The following SEMA6D variants were observed in gnomAD, a reference collection of about 807,000 sequenced individuals.
SEMA6D encodes semaphorin-6D.
Under a neutral mutation model 106.6 loss-of-function variants are expected in SEMA6D, and 35 were observed. The observed-to-expected ratio is 0.33, with a 90% CI of 0.25 to 0.44. SEMA6D has a LOEUF of 0.44. SEMA6D is among the 20% of genes least tolerant of loss of function. The pLI is 1.00. For synonymous variants in SEMA6D, 499 were observed against 487.7 expected, an observed-to-expected ratio of 1.02 and a Z score of -0.31; for missense variants, 1,185 against 1,345.9, an observed-to-expected ratio of 0.88 and a Z score of 1.87.
intron 13 of SEMA6D, 128 bp from the exon 14 acceptor site, chr15:47,765,741 C>T: frequency 1.2e-6 from 1 of 842,822 alleles, no homozygotes; most frequent in Non-Finnish European, 1.7e-6. Context: ...TATTATTTCC[C>T]AAGCTATGTA....
intron 2 of SEMA6D, among the ~76,000 whole-genome samples, chr15:47,430,928 A>G (rs2041501957): frequency 6.6e-6 from 1 of 152,160 alleles, no homozygotes; most frequent in African/African-American, 2.4e-5. Context: ...TCAGATGGTC[A>G]TGAGCCCTAG....
rs2033142740 is a variant in SEMA6D, at chr15:47,245,362, A to G, written c.-239+60944A>G. On this transcript the variant is annotated intron_variant, in intron 1 of 19. Coordinates refer to the SEMA6D transcript ENST00000558014. ...TTTTCTCCATAGCCTTTTTAATAGT[A>G]GCCATCCTGATGGACTTTACTGTCC... is the stretch of plus-strand genomic sequence containing the variant. Among the ~76,000 whole-genome samples, 4 of 152,298 alleles carry G rather than the reference A, an allele frequency of 2.6e-5. No individual in the cohort carries two copies. The South Asian group carries it at 8.3e-4, about 32-fold the overall frequency.
intron 1 of SEMA6D, among the ~76,000 whole-genome samples, chr15:47,410,812 T>G (rs1434751898): frequency 6.6e-6 from 1 of 152,186 alleles, no homozygotes; most frequent in East Asian, 1.9e-4. Flanking sequence ...TCTCAATACT[T>G]GCCCAAATAT....
intron 3 of SEMA6D, among the ~76,000 whole-genome samples, chr15:47,550,011 A>G (rs1302707797): frequency 6.6e-6 from 1 of 152,200 alleles, no homozygotes; most frequent in Non-Finnish European, 1.5e-5. Flanking sequence ...ATTCTCATTA[A>G]AGAGAGAGTA....
chr15:47,645,863 C>T (rs566409271), intron 4 of SEMA6D, among the ~76,000 whole-genome samples: 18 of 152,126 alleles, frequency 1.2e-4, no homozygotes, highest in African/African-American at 3.9e-4. Context: ...ACTGTTTACC[C>T]ATGTATTATA....
chr15:47,418,026 G>T (rs1238389941), intron 2 of SEMA6D, among the ~76,000 whole-genome samples: 1 of 151,914 alleles, frequency 6.6e-6, no homozygotes, highest in Non-Finnish European at 1.5e-5. Context: ...TATTTTATAT[G>T]CCCATATATA....
At chr15:47,459,642 C>T (rs1322466974) in intron 2 of SEMA6D, among the ~76,000 whole-genome samples, 1 of 151,862 alleles carries the variant, frequency 6.6e-6, no homozygotes, top group Non-Finnish European at 1.5e-5. Flanking sequence ...TTTACAATAT[C>T]CATAAGTGGA....
At chr15:47,301,502 G>A (rs1329340669) in intron 1 of SEMA6D, among the ~76,000 whole-genome samples, 4 of 152,232 alleles carry the variant, frequency 2.6e-5, no homozygotes, top group Non-Finnish European at 5.9e-5. Flanking sequence ...CCTCCACCTT[G>A]GCTGTTTGTG....
intron 4 of SEMA6D, among the ~76,000 whole-genome samples, chr15:47,645,301 C>A (rs987979348): frequency 2.0e-5 from 3 of 152,136 alleles, no homozygotes; most frequent in African/African-American, 7.2e-5. Context: ...TGAGCACAGG[C>A]CACCATGGGT....
intron 4 of SEMA6D, among the ~76,000 whole-genome samples, chr15:47,670,448 A>T (rs1230881298): frequency 2.6e-5 from 4 of 152,160 alleles, no homozygotes; most frequent in African/African-American, 9.7e-5. Flanking sequence ...GTGCCTGATC[A>T]CAGAACCAAG....
chr15:47,662,720 C>G lies in SEMA6D; in HGVS notation c.-55+61824C>G, dbSNP rs143910972. On this transcript the variant is annotated intron_variant, in intron 4 of 19. Coordinates refer to the SEMA6D transcript ENST00000558014. ...CTCAATGCATATATTTTGGATACCACTCTTTGCAAACTTTGAGTTGAGTAG... is the reference window on the plus strand; with the variant it reads ...CTCAATGCATATATTTTGGATACCAGTCTTTGCAAACTTTGAGTTGAGTAG... Among the ~76,000 whole-genome samples, 56 of 152,250 alleles carry G rather than the reference C, an allele frequency of 3.7e-4. 3 individuals are homozygous for G. In the East Asian group the frequency reaches 0.011, roughly 29 times the overall value.
chr15:47,567,565 C>T (rs1445359650), intron 3 of SEMA6D, among the ~76,000 whole-genome samples: 2 of 152,128 alleles, frequency 1.3e-5, no homozygotes, highest in East Asian at 3.9e-4. Context: ...TTTAGGTTTC[C>T]ATCAGAATGT....
intron 4 of SEMA6D, among the ~76,000 whole-genome samples, chr15:47,602,828 C>A (rs2076691316): frequency 6.6e-6 from 1 of 152,110 alleles, no homozygotes; most frequent in Non-Finnish European, 1.5e-5. Context: ...AACAGTCCCC[C>A]ACCCCCGAAA....
rs191832206 is a variant in SEMA6D at position 47,541,976 on chromosome 15, A to G, written c.-86-58889A>G. 4.3e-3 allele frequency among the ~76,000 whole-genome samples: 655 copies of G among 152,158 alleles called. 8 individuals carry two copies. Among genetic ancestry groups the G allele is most frequent in the Admixed American group, 7.7e-3 (117 of 15,264 alleles). ...GATTTTTAAAAAGACCCTTTGAAAC[A>G]TTTTCACATTTCCTTAAAAAAACTG... On this transcript the variant is annotated intron_variant, in intron 3 of 19. Coordinates refer to the SEMA6D transcript ENST00000558014.
rs1176567676 is a variant in SEMA6D at position 47,416,472 on chromosome 15, TTCCATGTGTTTATAACTG to T, written c.-159+4001_-159+4018del. Reference sequence around the variant, plus strand: ...TTGTCCTAAAATACTCCACCCAAATTTCCATGTGTTTATAACTGACTCAATTAGCTTGAAAATTAGTTT... The same window carrying T: ...TTGTCCTAAAATACTCCACCCAAATTACTCAATTAGCTTGAAAATTAGTTT... On this transcript the variant is annotated intron_variant, in intron 2 of 19. Coordinates refer to the SEMA6D transcript ENST00000558014. 7.9e-5 allele frequency among the ~76,000 whole-genome samples: 12 copies of T among 152,228 alleles called. 1 individual carries two copies. The South Asian group carries it at 1.9e-3, about 24-fold the overall frequency.
At chr15:47,422,180 G>GCCTGCCTGCCTGCCTGCCTTCCTTCCTT (rs1455030787) in intron 2 of SEMA6D, among the ~76,000 whole-genome samples, 1 of 112,814 alleles carries the variant, frequency 8.9e-6, no homozygotes, top group African/African-American at 3.1e-5. Context: ...CCGCCTGCCT[G>GCCTGCCTGCCTGCCTGCCTTCCTTCCTT]CCTTCCTTCC....
chr15:47,227,909 TTA>T (rs1186927379), intron 1 of SEMA6D, among the ~76,000 whole-genome samples: 2 of 140,612 alleles, frequency 1.4e-5, no homozygotes, highest in Non-Finnish European at 3.0e-5. Context: ...TATAAGAATC[TTA>T]TATATATTTT....
chr15:47,268,843 C>G (rs1047333274), intron 1 of SEMA6D, among the ~76,000 whole-genome samples: 6 of 152,086 alleles, frequency 3.9e-5, no homozygotes, highest in Non-Finnish European at 7.4e-5. Context: ...GTAATTATGT[C>G]TCAAGATTGC....
chr15:47,192,764 A>C (rs920674938), intron 1 of SEMA6D, among the ~76,000 whole-genome samples: 7 of 152,180 alleles, frequency 4.6e-5, no homozygotes, highest in African/African-American at 1.4e-4. Flanking sequence ...CTGTGTAGCA[A>C]ATCTATTGAA....
Sources: gnomAD v4.1 joint callset for allele counts (sites outside exome capture counted in the v4.1 genomes callset) on GRCh38, gnomAD v4.1.1 for gene constraint, MANE v1.5 for transcripts, NCBI Gene and HGNC (gene_info 2026-07-23, HGNC 2026-07-21) for gene names.